The following VSTM5 variants were observed in gnomAD, a reference collection of about 807,000 sequenced individuals.
VSTM5 encodes V-set and transmembrane domain-containing protein 5.
VSTM5 carries 21 observed loss-of-function variants against 20.3 expected under a neutral mutation model. That is an observed-to-expected ratio of 1.03 (90% CI 0.73 to 1.49). The LOEUF is 1.49. Among genes scored for constraint, VSTM5 ranks in the 40% most tolerant of loss-of-function variants. VSTM5 has a pLI of 0.00. For missense variants in VSTM5, 219 were observed against 250.0 expected (o/e 0.88, Z 0.84); for synonymous variants, 100 against 102.5 (o/e 0.98, Z 0.14).
intron 1 of VSTM5, among the ~76,000 whole-genome samples, chr11:93,842,680 G>A (rs568119968): frequency 4.6e-5 from 7 of 152,182 alleles, no homozygotes; most frequent in Non-Finnish European, 8.8e-5. Context: ...TAGAAGGTGC[G>A]GTCAGTAAAT....
At chr11:93,826,550 A>G (rs1263304951) in intron 1 of VSTM5, among the ~76,000 whole-genome samples, 3 of 151,722 alleles carry the variant, frequency 2.0e-5, no homozygotes, top group African/African-American at 7.3e-5. Context: ...GGCGCCCACC[A>G]TAACACCTGG....
At chr11:93,828,425 C>G (rs1453488065) in intron 1 of VSTM5, among the ~76,000 whole-genome samples, 1 of 152,230 alleles carries the variant, frequency 6.6e-6, no homozygotes, top group East Asian at 1.9e-4. Flanking sequence ...AGAAGGGTTA[C>G]TTACTCCTTT....
chr11:93,818,630 C>T lies in VSTM5; in HGVS notation c.*1939G>A, dbSNP rs17573753. On this transcript the variant is annotated 3_prime_UTR_variant, in exon 4 of 4. Coordinates refer to ENST00000409977, the MANE Select transcript of VSTM5 (RefSeq NM_001144871.2). The stretch of plus-strand genomic sequence containing the variant: ...TTATGAAGATTGCCAGCCCTGACTT[C>T]GGGACAAGCGGAAGAGCAGAGTTCT... 0.056 allele frequency: 8,422 copies of T among 151,156 alleles called. 338 individuals carry two copies. Among genetic ancestry groups the T allele is most frequent in the Non-Finnish European group, 0.086 (5,868 of 67,892 alleles). The allele number at this position is 151,156 out of a possible 1,614,324, so 9.4% of individuals were successfully genotyped here. A position where few individuals can be genotyped will look rare whatever the true frequency, so the allele number is the denominator to read the frequency against.
At chr11:93,832,801 T>C (rs1239840246) in intron 1 of VSTM5, among the ~76,000 whole-genome samples, 1 of 152,198 alleles carries the variant, frequency 6.6e-6, no homozygotes, top group Non-Finnish European at 1.5e-5. Flanking sequence ...TGTCCAAGTC[T>C]TTGCTAAGTA....
At chr11:93,849,473 C>A (rs374279514) in intron 1 of VSTM5, among the ~76,000 whole-genome samples, 21 of 152,318 alleles carry the variant, frequency 1.4e-4, no homozygotes, top group Middle Eastern at 6.8e-3. Flanking sequence ...ATTTCTGTGC[C>A]TCAGTTTCCT....
intron 1 of VSTM5, chr11:93,827,721 T>C (rs1369530998): frequency 4.0e-5 from 6 of 149,920 alleles, no homozygotes; most frequent in African/African-American, 1.2e-4. Context: ...ACTACTGCTA[T>C]TGAGTAGTCT....
intron 1 of VSTM5, among the ~76,000 whole-genome samples, chr11:93,832,677 T>C (rs1638491324): frequency 6.6e-6 from 1 of 152,224 alleles, no homozygotes. Flanking sequence ...ATTACCTCAG[T>C]CTATGAAGGC....
At chr11:93,848,251 G>A (rs1944429238) in intron 1 of VSTM5, among the ~76,000 whole-genome samples, 1 of 152,208 alleles carries the variant, frequency 6.6e-6, no homozygotes, top group Non-Finnish European at 1.5e-5. Context: ...GGAACTGGTA[G>A]GAAGGAGGAG....
intron 1 of VSTM5, among the ~76,000 whole-genome samples, chr11:93,841,233 G>T (rs1037745675): frequency 1.0e-5 from 1 of 97,628 alleles, no homozygotes; most frequent in African/African-American, 3.4e-5. Flanking sequence ...CCAGGTAAGG[G>T]GTAACCAACA....
intron 1 of VSTM5, among the ~76,000 whole-genome samples, chr11:93,842,725 GTGT>G (rs1944380248): frequency 1.3e-5 from 2 of 152,234 alleles, no homozygotes; most frequent in African/African-American, 4.8e-5. Context: ...AGAAAATGAG[GTGT>G]TGTTATCTCC....
At chr11:93,826,094 G>A (rs1944232419) in intron 1 of VSTM5, among the ~76,000 whole-genome samples, 1 of 151,952 alleles carries the variant, frequency 6.6e-6, no homozygotes, top group Non-Finnish European at 1.5e-5. Flanking sequence ...CAAAAAACTA[G>A]CCAGGTGTGG....
rs1325480323 is a variant in VSTM5 at position 93,841,939 on chromosome 11, T to C, written c.91+8473A>G. 3.3e-5 allele frequency among the ~76,000 whole-genome samples: 5 copies of C among 152,200 alleles called. No homozygotes were observed. In the East Asian group the frequency reaches 9.6e-4, roughly 29 times the overall value. On this transcript the variant is annotated intron_variant, in intron 1 of 3. Transcript: ENST00000409977. The stretch of plus-strand genomic sequence containing the variant: ...ATTCTAGAGTCAGACTAACTGGTGT[T>C]CAAAATTTAGCTGTGCCAGTAACAA...
chr11:93,833,682 G>C (rs906559840), intron 1 of VSTM5, among the ~76,000 whole-genome samples: 1 of 152,144 alleles, frequency 6.6e-6, no homozygotes, highest in Non-Finnish European at 1.5e-5. Context: ...AACAAAACTT[G>C]TTCCTTTGAG....
chr11:93,837,772 C>G (rs762102968), intron 1 of VSTM5, among the ~76,000 whole-genome samples: 7 of 152,102 alleles, frequency 4.6e-5, no homozygotes, highest in Non-Finnish European at 1.0e-4. Flanking sequence ...CCAGCCACAC[C>G]CAGAAGAATC....
At chr11:93,845,795 C>T (rs1565305057) in intron 1 of VSTM5, among the ~76,000 whole-genome samples, 1 of 152,188 alleles carries the variant, frequency 6.6e-6, no homozygotes, top group Non-Finnish European at 1.5e-5. Context: ...AGGTATTGTG[C>T]ACCTATTTTT....
At position 93,824,446 on chromosome 11, in the gene VSTM5, T is replaced by C. The variant is rs116576215; in HGVS notation, c.92-3123A>G. On this transcript the variant is annotated intron_variant, in intron 1 of 3. Coordinates refer to ENST00000409977, the MANE Select transcript of VSTM5 (RefSeq NM_001144871.2). The stretch of plus-strand genomic sequence containing the variant: ...CCTATTTATGTACCTGTTGGCCATT[T>C]GTATTGTTTTCTTTGGAGAAAGGAC... 6.2e-3 allele frequency among the ~76,000 whole-genome samples: 948 copies of C among 152,328 alleles called. 13 individuals are homozygous for C. Among genetic ancestry groups the C allele is most frequent in the African/African-American group, 0.021 (885 of 41,574 alleles).
At chr11:93,850,360 C>T in intron 1 of VSTM5, 52 bp downstream of exon 1, 1 of 1,489,768 alleles carries the variant, frequency 6.7e-7, no homozygotes. Flanking sequence ...CCGCCCGTGC[C>T]CCCCTACCCA....
intron 1 of VSTM5, among the ~76,000 whole-genome samples, chr11:93,848,775 G>A (rs1944434088): frequency 6.6e-6 from 1 of 152,220 alleles, no homozygotes; most frequent in Admixed American, 6.5e-5. Context: ...TTCCTGCAGG[G>A]AGAGGGTACA....
At chr11:93,847,516 G>A (rs1944423782) in intron 1 of VSTM5, among the ~76,000 whole-genome samples, 1 of 152,236 alleles carries the variant, frequency 6.6e-6, no homozygotes, top group Non-Finnish European at 1.5e-5. Flanking sequence ...GTGTATATGT[G>A]TGTGTGTTGG....
Sources: gnomAD v4.1 joint callset for allele counts (sites outside exome capture counted in the v4.1 genomes callset) on GRCh38, gnomAD v4.1.1 for gene constraint, MANE v1.5 for transcripts, NCBI Gene and HGNC (gene_info 2026-07-23, HGNC 2026-07-21) for gene names.